The following DPP6 variants were observed in gnomAD, a reference collection of about 807,000 sequenced individuals.
The protein encoded by DPP6 is A-type potassium channel modulatory protein DPP6.
Under a neutral mutation model 122.6 loss-of-function variants are expected in DPP6, and 69 were observed. That is an observed-to-expected ratio of 0.56 (90% confidence interval 0.46 to 0.69). DPP6 has a LOEUF of 0.69. Among genes scored for constraint, DPP6 ranks in the 30% least tolerant of loss-of-function variants. The pLI is 0.00. For synonymous variants in DPP6, 418 were observed against 433.1 expected (o/e 0.97, Z 0.43); for missense variants, 928 against 1,116.9 (o/e 0.83, Z 2.41).
chr7:154,807,196 G>T (rs1798755173), intron 16 of DPP6, 84 bp downstream of exon 16: 3 of 1,544,964 alleles, frequency 1.9e-6, no homozygotes, highest in Non-Finnish European at 2.6e-6. Context: ...CAGGGAGGGG[G>T]CAGCGGCTGT....
intron 1 of DPP6, among the ~76,000 whole-genome samples, chr7:154,206,665 CA>C (rs1230991334): frequency 1.3e-5 from 2 of 152,138 alleles, no homozygotes; most frequent in Non-Finnish European, 2.9e-5. Flanking sequence ...CTTTTCTCAT[CA>C]AGATATCAGA....
intron 1 of DPP6, among the ~76,000 whole-genome samples, chr7:154,013,954 T>A (rs3852283): frequency 1.2e-4 from 18 of 151,464 alleles, no homozygotes; most frequent in Admixed American, 9.2e-4. Flanking sequence ...TTCTTTCCTC[T>A]CTCCCCTTTG....
the DPP6 span, among the ~76,000 whole-genome samples, chr7:153,795,551 C>T: frequency 6.6e-6 from 1 of 152,010 alleles, no homozygotes; most frequent in Non-Finnish European, 1.5e-5. Flanking sequence ...AAAGAACTAG[C>T]TTTTGGTTTT....
intron 1 of DPP6, among the ~76,000 whole-genome samples, chr7:154,155,620 A>G (rs1796638942): frequency 6.6e-6 from 1 of 152,188 alleles, no homozygotes; most frequent in South Asian, 2.1e-4. Context: ...TGCCAGGAGA[A>G]CAGTTCCTAT....
chr7:154,079,461 C>G (rs3864481), intron 1 of DPP6, among the ~76,000 whole-genome samples: 6,243 of 152,264 alleles, frequency 0.041, 388 homozygotes, highest in African/African-American at 0.14. Context: ...AGGGAAGAGA[C>G]TCACCCCGAA....
intron 3 of DPP6, among the ~76,000 whole-genome samples, chr7:154,539,369 A>G (rs1251008671): frequency 1.3e-5 from 2 of 152,008 alleles, no homozygotes; most frequent in African/African-American, 4.8e-5. Context: ...CTTACTTACT[A>G]TTTTTGTTTT....
At chr7:154,040,408 C>T (rs145896101) in intron 1 of DPP6, among the ~76,000 whole-genome samples, 1 of 150,552 alleles carries the variant, frequency 6.6e-6, no homozygotes, top group African/African-American at 2.5e-5. Flanking sequence ...GATAAGGCAG[C>T]ACGCTTCATG....
chr7:154,676,688 G>A (rs1247841584), intron 7 of DPP6, among the ~76,000 whole-genome samples: 2 of 152,236 alleles, frequency 1.3e-5, no homozygotes, highest in Non-Finnish European at 2.9e-5. Flanking sequence ...CAGAGAGACC[G>A]GATGGAGTGC....
chr7:154,024,828 C>A (rs1286712808), intron 1 of DPP6, among the ~76,000 whole-genome samples: 1 of 152,044 alleles, frequency 6.6e-6, no homozygotes, highest in Non-Finnish European at 1.5e-5. Context: ...CCAGGTACCA[C>A]AGTCTGTGTA....
the DPP6 span, among the ~76,000 whole-genome samples, chr7:153,823,672 G>A: frequency 1.3e-5 from 2 of 151,490 alleles, no homozygotes; most frequent in South Asian, 2.1e-4. Context: ...GGGTGTGAGG[G>A]GTTGTCTGGG....
intron 1 of DPP6, among the ~76,000 whole-genome samples, chr7:153,892,377 A>G (rs968692637): frequency 1.3e-5 from 2 of 151,992 alleles, no homozygotes; most frequent in African/African-American, 4.8e-5. Context: ...GCAGTGGCAC[A>G]GTCTCAGCTC....
At chr7:154,392,760 A>G (rs1045907267) in intron 1 of DPP6, among the ~76,000 whole-genome samples, 5 of 152,350 alleles carry the variant, frequency 3.3e-5, no homozygotes, top group Non-Finnish European at 5.9e-5. Flanking sequence ...CCCAGGAGGC[A>G]CAAGGTTATA....
the DPP6 span, among the ~76,000 whole-genome samples, chr7:153,797,358 A>G: frequency 6.6e-6 from 1 of 152,198 alleles, no homozygotes; most frequent in East Asian, 1.9e-4. Context: ...GAAAGTAAAG[A>G]GGGGAGGAGG....
rs369901254 is a variant in DPP6 at position 154,546,253 on chromosome 7, A to G, written c.552+5627A>G. On this transcript the variant is annotated intron_variant, in intron 4 of 25. Coordinates refer to ENST00000377770, the MANE Select transcript of DPP6 (RefSeq NM_130797.4). ...TATATATTGAAAGGCTAGAAAGTGA[A>G]CACTGAACTATGAAAATACTTAATC... Among the ~76,000 whole-genome samples the G allele has an allele frequency of 5.1e-4, 77 of 152,308 alleles. 1 individual carries two copies. The highest frequency in any genetic ancestry group is 1.6e-3 in the African/African-American group (66 of 41,576).
intron 1 of DPP6, among the ~76,000 whole-genome samples, chr7:153,984,828 G>A (rs1419900308): frequency 6.6e-6 from 1 of 152,204 alleles, no homozygotes; most frequent in Non-Finnish European, 1.5e-5. Flanking sequence ...TCCCTTAAAA[G>A]CAAAGCTGTG....
chr7:154,684,852 G>C (rs1380501678), intron 7 of DPP6, among the ~76,000 whole-genome samples: 1 of 152,236 alleles, frequency 6.6e-6, no homozygotes, highest in Non-Finnish European at 1.5e-5. Flanking sequence ...TACCACTGCT[G>C]TCTACTTCCT....
At chr7:153,881,822 C>T in the DPP6 span, among the ~76,000 whole-genome samples, 2 of 152,176 alleles carry the variant, frequency 1.3e-5, no homozygotes, top group African/African-American at 2.4e-5. Flanking sequence ...ATTTGTATTG[C>T]TCCTATAAAA....
the DPP6 span, among the ~76,000 whole-genome samples, chr7:153,772,491 T>C: frequency 8.7e-5 from 13 of 150,194 alleles, no homozygotes; most frequent in Non-Finnish European, 1.8e-4. Flanking sequence ...AAGTAATAGG[T>C]TGATAAAAGA....
At chr7:154,092,869 T>C (rs963692212) in intron 1 of DPP6, 1 of 152,166 alleles carries the variant, frequency 6.6e-6, no homozygotes, top group African/African-American at 2.4e-5. Context: ...GGTTGTCAGA[T>C]GGCAATCTTC....
Sources: allele counts gnomAD v4.1 joint callset (sites outside exome capture counted in the v4.1 genomes callset), GRCh38; gene constraint gnomAD v4.1.1; transcripts MANE v1.5; gene names NCBI Gene and HGNC (gene_info 2026-07-23, HGNC 2026-07-21).